The following RBFOX1 variants were observed in gnomAD, a reference collection of about 807,000 sequenced individuals.
RBFOX1 encodes the protein RNA binding fox-1 homolog 1.
Under a neutral mutation model 57.7 loss-of-function variants are expected in RBFOX1, and 8 were observed. The ratio of observed to expected loss-of-function variants is 0.14; its 90% CI spans 0.08 to 0.25. RBFOX1 has a LOEUF of 0.25. Among genes scored for constraint, RBFOX1 ranks in the 10% least tolerant of loss-of-function variants. The pLI, the probability that RBFOX1 is intolerant of heterozygous loss-of-function variation, is 1.00. For synonymous variants in RBFOX1, 326 were observed against 222.4 expected (o/e 1.47, Z -4.15); for missense variants, 611 against 548.5 (o/e 1.11, Z -1.14).
intron 1 of RBFOX1, among the ~76,000 whole-genome samples, chr16:5,336,252 C>T (rs776288561): frequency 1.3e-5 from 2 of 152,136 alleles, no homozygotes; most frequent in Non-Finnish European, 2.9e-5. Flanking sequence ...GAAACGGGCA[C>T]ATATTAGGGA....
intron 3 of RBFOX1, among the ~76,000 whole-genome samples, chr16:5,608,169 G>T (rs1450391783): frequency 6.6e-6 from 1 of 152,234 alleles, no homozygotes; most frequent in Non-Finnish European, 1.5e-5. Context: ...CATTGTCTGA[G>T]CGCATACCTT....
chr16:7,402,231 C>T (rs915054015), intron 4 of RBFOX1, among the ~76,000 whole-genome samples: 2 of 152,106 alleles, frequency 1.3e-5, no homozygotes, highest in African/African-American at 2.4e-5. Flanking sequence ...TCTGAAGACT[C>T]ACCTGTAAGG....
chr16:6,674,151 A>T (rs1182524600), intron 3 of RBFOX1, among the ~76,000 whole-genome samples: 1 of 152,140 alleles, frequency 6.6e-6, no homozygotes, highest in Non-Finnish European at 1.5e-5. Context: ...TGTGGGTTGA[A>T]TAGAGTCCTC....
chr16:5,596,070 T>C (rs2047170685), intron 2 of RBFOX1, among the ~76,000 whole-genome samples: 1 of 152,078 alleles, frequency 6.6e-6, no homozygotes. Flanking sequence ...ACACCAGGCC[T>C]CTGGGACCTC....
At chr16:6,640,483 C>A (rs1259695148) in intron 2 of RBFOX1, among the ~76,000 whole-genome samples, 1 of 152,008 alleles carries the variant, frequency 6.6e-6, no homozygotes, top group Non-Finnish European at 1.5e-5. Flanking sequence ...GAGCAGGCAC[C>A]TGTAATCCCA....
intron 3 of RBFOX1, among the ~76,000 whole-genome samples, chr16:5,647,576 T>G (rs1166781659): frequency 6.6e-6 from 1 of 152,058 alleles, no homozygotes; most frequent in Non-Finnish European, 1.5e-5. Context: ...CCACCTCTTC[T>G]CCTTTCCCTT....
chr16:6,973,746 G>A (rs1208830217), intron 3 of RBFOX1, among the ~76,000 whole-genome samples: 1 of 152,122 alleles, frequency 6.6e-6, no homozygotes, highest in Non-Finnish European at 1.5e-5. Context: ...GAGCATAACT[G>A]CACTGTGTTA....
intron 3 of RBFOX1, among the ~76,000 whole-genome samples, chr16:5,758,979 A>C (rs1005533789): frequency 6.6e-6 from 1 of 152,198 alleles, no homozygotes; most frequent in African/African-American, 2.4e-5. Flanking sequence ...CATTGGGAAG[A>C]CACCATTTGC....
intron 3 of RBFOX1, among the ~76,000 whole-genome samples, chr16:5,825,721 C>G (rs963653097): frequency 6.6e-6 from 1 of 151,974 alleles, no homozygotes; most frequent in African/African-American, 2.4e-5. Flanking sequence ...GCAATCACTC[C>G]CTGTTTCCTC....
At chr16:7,005,201 C>A (rs377072776) in intron 3 of RBFOX1, among the ~76,000 whole-genome samples, 8 of 145,078 alleles carry the variant, frequency 5.5e-5, no homozygotes, top group African/African-American at 1.9e-4. Context: ...ATATCCTCAC[C>A]TTTTTGTGTG....
chr16:6,498,934 C>T (rs922325409), intron 2 of RBFOX1, among the ~76,000 whole-genome samples: 5 of 152,272 alleles, frequency 3.3e-5, no homozygotes, highest in African/African-American at 4.8e-5. Context: ...AGCAGTATGC[C>T]TTGGAGCCTT....
intron 1 of RBFOX1, among the ~76,000 whole-genome samples, chr16:6,096,489 T>G (rs2096246825): frequency 6.6e-6 from 1 of 152,194 alleles, no homozygotes; most frequent in African/African-American, 2.4e-5. Context: ...ACTTTGCGGA[T>G]AGTTCATATT....
At chr16:5,514,892 G>T (rs2043733904) in intron 2 of RBFOX1, among the ~76,000 whole-genome samples, 1 of 152,108 alleles carries the variant, frequency 6.6e-6, no homozygotes, top group African/African-American at 2.4e-5. Context: ...AAGAAAAGAG[G>T]TTTATTTGGC....
intron 4 of RBFOX1, among the ~76,000 whole-genome samples, chr16:7,339,678 G>C (rs1442777740): frequency 2.0e-5 from 3 of 152,172 alleles, no homozygotes; most frequent in Non-Finnish European, 2.9e-5. Context: ...GACCTCAGGT[G>C]ATCCGCCCAC....
At chr16:6,660,713 A>T (rs2098695967) in intron 3 of RBFOX1, among the ~76,000 whole-genome samples, 1 of 152,224 alleles carries the variant, frequency 6.6e-6, no homozygotes, top group Non-Finnish European at 1.5e-5. Context: ...AAATCATTTT[A>T]TATAATACCT....
At chr16:5,340,930 A>C (rs1189858780) in intron 1 of RBFOX1, among the ~76,000 whole-genome samples, 4 of 152,142 alleles carry the variant, frequency 2.6e-5, no homozygotes, top group African/African-American at 7.2e-5. Context: ...CTGTGTGGCT[A>C]CTGTAGAAAA....
At chr16:7,575,751 G>A (rs2093275239) in intron 5 of RBFOX1, among the ~76,000 whole-genome samples, 1 of 152,128 alleles carries the variant, frequency 6.6e-6, no homozygotes, top group South Asian at 2.1e-4. Flanking sequence ...ACGCTGGCTG[G>A]TTCTAAATAT....
At chr16:7,238,105 G>T (rs1010846191) in intron 4 of RBFOX1, among the ~76,000 whole-genome samples, 3 of 152,192 alleles carry the variant, frequency 2.0e-5, no homozygotes, top group South Asian at 2.1e-4. Flanking sequence ...AATATTGCAT[G>T]ATTCCACTTA....
At chr16:6,303,346 T>TAA (rs1567890823) in intron 1 of RBFOX1, among the ~76,000 whole-genome samples, 5 of 126,982 alleles carry the variant, frequency 3.9e-5, no homozygotes, top group African/African-American at 1.3e-4. Context: ...TTTTTTTTTT[T>TAA]TAAAAAATCG....
Sources: allele counts gnomAD v4.1 joint callset (sites outside exome capture counted in the v4.1 genomes callset), GRCh38; gene constraint gnomAD v4.1.1; transcripts MANE v1.5; gene names NCBI Gene and HGNC (gene_info 2026-07-23, HGNC 2026-07-21).